PGAP1: variants seen among roughly 807,000 people sequenced by gnomAD.
PGAP1 encodes GPI inositol-deacylase.
A neutral mutation model predicts 127.0 loss-of-function variants in PGAP1; 76 were observed. The observed-to-expected ratio is 0.60, with a 90% CI of 0.50 to 0.72. The LOEUF is 0.72. Ranked by LOEUF, PGAP1 falls within the 30% of genes least tolerant of loss-of-function variation. The probability of loss-of-function intolerance (pLI) is 0.00; values close to 1 mark genes in which losing one functional copy is unlikely to be tolerated. For missense variants in PGAP1, 982 were observed against 1,071.3 expected (o/e 0.92, Z 1.16); for synonymous variants, 362 against 366.5 (o/e 0.99, Z 0.14).
chr2:196,926,701 A>T lies in PGAP1; in HGVS notation c.-85T>A. 1 of 1,572,924 alleles carries T rather than the reference A, an allele frequency of 6.4e-7. No individual in the cohort carries two copies. The highest frequency in any genetic ancestry group is 8.6e-7 in the Non-Finnish European group (1 of 1,158,296). On this transcript the variant is annotated 5_prime_UTR_variant, in exon 1 of 27. Transcript: ENST00000354764. ...GCCCCAAGCCCGGACTGAGCGTGCT[A>T]GACACTGTCCGACCGCCACCCCCGG...
chr2:196,866,854 C>G (rs1006896029), intron 19 of PGAP1, among the ~76,000 whole-genome samples: 1 of 151,866 alleles, frequency 6.6e-6, no homozygotes, highest in South Asian at 2.1e-4. Context: ...ATGTGGCCAA[C>G]AAACATATGA....
At chr2:196,842,340 G>T (rs1700437685) in intron 26 of PGAP1, among the ~76,000 whole-genome samples, 2 of 152,036 alleles carry the variant, frequency 1.3e-5, no homozygotes, top group Non-Finnish European at 2.9e-5. Flanking sequence ...TTTTATTATG[G>T]AAAATTTGAA....
chr2:196,875,829 A>G lies in PGAP1; in HGVS notation c.1351-8T>C. On this transcript the variant is annotated splice_region_variant and splice_polypyrimidine_tract_variant and intron_variant, in intron 13 of 26. Coordinates refer to ENST00000354764, the MANE Select transcript of PGAP1 (RefSeq NM_024989.4). The stretch of plus-strand genomic sequence containing the variant: ...TTCACAATCTACAACAAACTGAAAT[A>G]TAAAACATTGATTTATTAGAAAAAG... 7.5e-7 allele frequency: 1 copy of G among 1,326,024 alleles called. No homozygotes were observed. The highest frequency in any genetic ancestry group is 1.1e-6 in the Non-Finnish European group (1 of 930,890). The allele number at this position is 1,326,024 out of a possible 1,614,324, so 82.1% of individuals were successfully genotyped here.
chr2:196,897,202 G>A lies in PGAP1; in HGVS notation c.861-5C>T. 6.5e-7 allele frequency: 1 copy of A among 1,543,294 alleles called. No homozygotes were observed. ...GTCAACTGCAATTGTTTACACCTAA[G>A]GAATAAAGTAAGTGTTACAAATAAA... is the stretch of plus-strand genomic sequence containing the variant. On this transcript the variant is annotated splice_polypyrimidine_tract_variant and splice_region_variant and intron_variant, in intron 6 of 26. Transcript: ENST00000354764.
chr2:196,922,397 C>G (rs1703225188), intron 1 of PGAP1: 1 of 984,332 alleles, frequency 1.0e-6, no homozygotes, highest in Non-Finnish European at 1.2e-6. Flanking sequence ...TTTTTAAGTT[C>G]TCACAAAGAG....
At chr2:196,904,269 G>A (rs1297496046) in intron 4 of PGAP1, among the ~76,000 whole-genome samples, 2 of 152,204 alleles carry the variant, frequency 1.3e-5, no homozygotes, top group Middle Eastern at 3.4e-3. Flanking sequence ...ATCCTAATTC[G>A]ATCCCGCATT....
At chr2:196,905,516 G>A (rs988170772) in intron 4 of PGAP1, among the ~76,000 whole-genome samples, 1 of 152,192 alleles carries the variant, frequency 6.6e-6, no homozygotes, top group African/African-American at 2.4e-5. Flanking sequence ...ATGTTAAGAT[G>A]GTTTGGAGTC....
chr2:196,885,702 T>C (rs999850935), intron 11 of PGAP1, 132 bp downstream of exon 11: 1 of 707,836 alleles, frequency 1.4e-6, no homozygotes, highest in African/African-American at 1.9e-5. Flanking sequence ...CCTTTACTTT[T>C]CATTTTAAAA....
intron 14 of PGAP1, chr2:196,874,091 G>C (rs984514992): frequency 1.2e-5 from 2 of 173,676 alleles, no homozygotes; most frequent in Non-Finnish European, 2.4e-5. Context: ...TTTCTGTATT[G>C]TTCTGGGTAG....
intron 19 of PGAP1, among the ~76,000 whole-genome samples, chr2:196,865,350 T>C (rs1166060611): frequency 6.6e-6 from 1 of 152,164 alleles, no homozygotes; most frequent in Non-Finnish European, 1.5e-5. Context: ...ACACACTGAT[T>C]ATTTAATACG....
intron 12 of PGAP1, among the ~76,000 whole-genome samples, chr2:196,881,398 T>C (rs1257782625): frequency 1.3e-5 from 2 of 152,218 alleles, no homozygotes; most frequent in East Asian, 1.9e-4. Flanking sequence ...ATGGGATTAC[T>C]AGGTCAAATG....
At chr2:196,888,927 T>C (rs1576159585) in intron 10 of PGAP1, among the ~76,000 whole-genome samples, 1 of 152,186 alleles carries the variant, frequency 6.6e-6, no homozygotes, top group Non-Finnish European at 1.5e-5. Flanking sequence ...AAATAAATGA[T>C]TTAAGAATGA....
At chr2:196,847,551 C>G (rs1020282695) in intron 21 of PGAP1, 3 of 187,142 alleles carry the variant, frequency 1.6e-5, no homozygotes, top group African/African-American at 7.3e-5. Context: ...GAAAATGTGA[C>G]TAAATTAAGA....
At chr2:196,885,400 T>C (rs781757342) in intron 12 of PGAP1, 24 bp downstream of exon 12, 3 of 1,546,038 alleles carry the variant, frequency 1.9e-6, no homozygotes, top group Middle Eastern at 1.7e-4. Context: ...AACTGAATAT[T>C]AAAATTCTGA....
intron 3 of PGAP1, among the ~76,000 whole-genome samples, chr2:196,913,921 T>G (rs1171091334): frequency 1.3e-5 from 2 of 152,210 alleles, no homozygotes; most frequent in Non-Finnish European, 2.9e-5. Flanking sequence ...GGCTGGAATT[T>G]TGGTATGTGC....
chr2:196,876,139 A>G (rs1701563095), intron 13 of PGAP1, among the ~76,000 whole-genome samples: 1 of 152,176 alleles, frequency 6.6e-6, no homozygotes, highest in African/African-American at 2.4e-5. Flanking sequence ...AGGATGGATG[A>G]AAGTATTATC....
chr2:196,845,741 C>T, intron 23 of PGAP1, 141 bp downstream of exon 23: 1 of 531,214 alleles, frequency 1.9e-6, no homozygotes, highest in Admixed American at 3.9e-5. Flanking sequence ...ATTTAAATAA[C>T]TAATTACATT....
At chr2:196,864,024 A>C (rs1322709285) in intron 20 of PGAP1, among the ~76,000 whole-genome samples, 1 of 152,220 alleles carries the variant, frequency 6.6e-6, no homozygotes, top group East Asian at 1.9e-4. Context: ...GAATGTGTCA[A>C]AATATCACAT....
rs145812760 is a variant in PGAP1 at position 196,892,629 on chromosome 2, A to G, written c.1034-228T>C. Among the ~76,000 whole-genome samples, 16 of 152,136 alleles carry G rather than the reference A, an allele frequency of 1.1e-4. No homozygotes were observed. In the East Asian group the frequency reaches 3.1e-3, roughly 29 times the overall value. ...AATCTGTTTGGTGTCCTTTAACTCTAAGGAATTATCAACATAGGAAATAAA... is the reference window on the plus strand; with the variant it reads ...AATCTGTTTGGTGTCCTTTAACTCTGAGGAATTATCAACATAGGAAATAAA... On this transcript the variant is annotated intron_variant, in intron 8 of 26. Transcript: ENST00000354764.
Sources: gnomAD v4.1 joint callset for allele counts (sites outside exome capture counted in the v4.1 genomes callset) on GRCh38, gnomAD v4.1.1 for gene constraint, MANE v1.5 for transcripts, NCBI Gene and HGNC (gene_info 2026-07-23, HGNC 2026-07-21) for gene names.